Variants in ASTE1 observed in about 807,000 individuals in gnomAD.
ASTE1 encodes the protein asteroid structure-specific endonuclease 1, also known as single-strand DNA endonuclease ASTE1.
ASTE1 carries 49 observed loss-of-function variants against 45.8 expected under a neutral mutation model. That is an observed-to-expected ratio of 1.07 (90% confidence interval 0.85 to 1.36). ASTE1 has a LOEUF of 1.36. Ranked by LOEUF, ASTE1 falls within the 40% of genes most tolerant of loss-of-function variation. ASTE1 has a pLI of 0.00. For missense variants in ASTE1, 709 were observed against 804.0 expected (o/e 0.88, Z 1.43); for synonymous variants, 296 against 303.9 (o/e 0.97, Z 0.27).
At chr3:131,023,903 A>G in intron 3 of ASTE1, 102 bp downstream of exon 3, 1 of 1,216,438 alleles carries the variant, frequency 8.2e-7, no homozygotes, top group Non-Finnish European at 1.1e-6. Context: ...GATAGCACTC[A>G]ACCTCATCAG....
At chr3:131,019,330 G>A (rs1483641994) in intron 3 of ASTE1, among the ~76,000 whole-genome samples, 1 of 152,194 alleles carries the variant, frequency 6.6e-6, no homozygotes, top group Non-Finnish European at 1.5e-5. Context: ...CACAGGGATT[G>A]TCCCAGGGTG....
Position 131,024,003 on chromosome 3 carries a change from AC to A in ASTE1, c.1302+1del. 1 of 1,579,826 alleles carries A rather than the reference AC, an allele frequency of 6.3e-7. No individual in the cohort carries two copies. The highest frequency in any genetic ancestry group is 8.6e-7 in the Non-Finnish European group (1 of 1,161,648). On this transcript the variant is annotated splice_donor_variant, in intron 3 of 5. Coordinates refer to ENST00000264992, the MANE Select transcript of ASTE1 (RefSeq NM_014065.4). LOFTEE classifies it high-confidence loss of function. ...AATTTCATTAGTATTACAAATACTTACCTCAGTCAATCTGCTTAAGTCAGAA... is the reference window on the plus strand; with the variant it reads ...AATTTCATTAGTATTACAAATACTTACTCAGTCAATCTGCTTAAGTCAGAA...
At position 131,014,052 on chromosome 3, in the gene ASTE1, G is replaced by A; in HGVS notation, c.*5C>T. On this transcript the variant is annotated 3_prime_UTR_variant, in exon 6 of 6. Transcript: ENST00000264992. ...AAATACATCTAGTTTGATGCAAACTGAGTTTTATTCAATGTTGGAGGCCTC... is the reference window on the plus strand; with the variant it reads ...AAATACATCTAGTTTGATGCAAACTAAGTTTTATTCAATGTTGGAGGCCTC... 6.5e-7 allele frequency: 1 copy of A among 1,544,462 alleles called. No homozygotes were observed. The highest frequency in any genetic ancestry group is 2.2e-5 in the East Asian group (1 of 44,490).
intron 4 of ASTE1, among the ~76,000 whole-genome samples, chr3:131,017,969 CAAAAAAAA>C (rs10555602): frequency 2.5e-4 from 11 of 44,822 alleles, no homozygotes; most frequent in African/African-American, 8.1e-4. Flanking sequence ...GACTCCATCT[CAAAAAAAA>C]AAAAAAAAAA....
At chr3:131,020,174 C>T (rs1305557735) in intron 3 of ASTE1, among the ~76,000 whole-genome samples, 1 of 152,174 alleles carries the variant, frequency 6.6e-6, no homozygotes, top group Non-Finnish European at 1.5e-5. Flanking sequence ...AGGTTTCTGA[C>T]CTTTTCTACA....
At chr3:131,014,736 T>G (rs765720567) in intron 5 of ASTE1, among the ~76,000 whole-genome samples, 2 of 152,210 alleles carry the variant, frequency 1.3e-5, no homozygotes, top group Non-Finnish European at 2.9e-5. Context: ...GGCAGTTTGT[T>G]AGAATATGAG....
At chr3:131,018,485 C>A in intron 4 of ASTE1, 21 bp downstream of exon 4, 1 of 1,605,932 alleles carries the variant, frequency 6.2e-7, no homozygotes, top group Non-Finnish European at 8.5e-7. Context: ...CAATATACTC[C>A]TGTAATTTCC....
intron 3 of ASTE1, among the ~76,000 whole-genome samples, chr3:131,023,451 C>G (rs755375682): frequency 5.9e-5 from 9 of 152,020 alleles, no homozygotes; most frequent in Non-Finnish European, 1.2e-4. Context: ...TTAAGCAACA[C>G]TAAGTTAGAC....
chr3:131,014,508 A>G (rs2063495578), intron 5 of ASTE1, 121 bp from the exon 6 acceptor site: 1 of 908,144 alleles, frequency 1.1e-6, no homozygotes. Flanking sequence ...GCTCTATAAT[A>G]TTATCGAAAT....
In ASTE1 at chr3:131,018,570, A is replaced by C. The variant is rs774357333; in HGVS notation, c.1449T>G (p.His483Gln). 3.7e-6 allele frequency: 6 copies of C among 1,613,960 alleles called. No homozygotes were observed. Among genetic ancestry groups the C allele is most frequent in the Admixed American group, 1.7e-5 (1 of 60,000 alleles). The change falls in exon 4 of 6, where the codon CAT becomes CAG. Residue 483 changes from histidine (H) to glutamine (Q), a missense_variant. Physicochemically the swap from His to Gln is conservative, Grantham distance 24. Transcript: ENST00000264992. ...LQHTETKAKL[H>Q]HLQSLLLTML... ...TTGTGAGCAGTAAGGATTGTAGATG[A>C]TGTAGCTTTGCTTTGGTCTCGGTGT...
intron 4 of ASTE1, among the ~76,000 whole-genome samples, chr3:131,017,346 G>T (rs1000895890): frequency 1.3e-5 from 2 of 152,198 alleles, no homozygotes; most frequent in Non-Finnish European, 2.9e-5. Flanking sequence ...GTAAACTAGA[G>T]TAGCACGATC....
intron 3 of ASTE1, among the ~76,000 whole-genome samples, chr3:131,020,463 T>C (rs1054902411): frequency 1.3e-5 from 2 of 152,218 alleles, no homozygotes; most frequent in Non-Finnish European, 2.9e-5. Flanking sequence ...TTGTGTCTCC[T>C]TATGATTAAC....
At position 131,024,336 on chromosome 3, in the gene ASTE1, C is replaced by T; in HGVS notation, c.971G>A (p.Gly324Asp). Residue 324 changes from glycine (G) to aspartate (D), a missense_variant, in exon 3 of 6, where the codon GGT becomes GAT. Physicochemically the swap from Gly to Asp is moderately conservative, Grantham distance 94 (BLOSUM62 -1). Transcript: ENST00000264992. ...TYVCPDALNLGLPEWVLVALA... is the reference protein window; with the variant it reads ...TYVCPDALNLDLPEWVLVALA... ...AGCCACTAATACCCATTCTGGTAAA[C>T]CAAGATTCAAGGCATCTGGACAGAC... The T allele has an allele frequency of 6.2e-7, 1 of 1,614,220 alleles. No homozygotes were observed. The highest frequency in any genetic ancestry group is 8.5e-7 in the Non-Finnish European group (1 of 1,180,038).
Position 131,023,966 on chromosome 3 carries a change from GTACTT to G in ASTE1, c.1302+34_1302+38del, listed in dbSNP as rs2063774682. Reference sequence around the variant, plus strand: ...AAGACAGCACTTTGTATCCTGTAAAGTACTTTACAAAAATTTCATTAGTATTACAA... The same window carrying G: ...AAGACAGCACTTTGTATCCTGTAAAGTACAAAAATTTCATTAGTATTACAA... On this transcript the variant is annotated intron_variant, in intron 3 of 5. Transcript: ENST00000264992. The G allele has an allele frequency of 2.0e-6, 3 of 1,532,396 alleles. No homozygotes were observed. The Admixed American group carries it at 6.1e-5, about 31-fold the overall frequency. 94.9% of individuals were successfully genotyped at this position (1,532,396 alleles called of 1,614,324 possible).
chr3:131,014,123 G>T lies in ASTE1; in HGVS notation c.1974C>A (p.Asn658Lys), dbSNP rs764428952. The change falls in exon 6 of 6, where the codon AAC becomes AAA. Residue 658 changes from asparagine to lysine, a missense_variant. Coordinates refer to ENST00000264992, the MANE Select transcript of ASTE1 (RefSeq NM_014065.4). ...CAACCATTAACAACCCAAACCGGTT[G>T]TTTCCCTCATACCAACACTTGGTGT... is the stretch of plus-strand genomic sequence containing the variant. ...TAHTKCWYEGNNRFGLLMVEN... is the reference protein window; with the variant it reads ...TAHTKCWYEGKNRFGLLMVEN... The T allele has an allele frequency of 8.1e-6, 13 of 1,611,738 alleles. No homozygotes were observed. The East Asian group carries it at 2.9e-4, about 36-fold the overall frequency.
intron 1 of ASTE1, 34 bp from the exon 2 acceptor site, chr3:131,025,628 AC>A (rs1281240788): frequency 3.4e-5 from 10 of 289,970 alleles, no homozygotes. Context: ...CATTACTGAC[AC>A]ACCAGTATAG....
chr3:131,015,435 C>T (rs1430629274), intron 5 of ASTE1, among the ~76,000 whole-genome samples: 1 of 152,224 alleles, frequency 6.6e-6, no homozygotes, highest in Admixed American at 6.5e-5. Context: ...CACTGCTCCA[C>T]ACCCTACTGC....
Position 131,018,570 on chromosome 3 carries a change from A to T in ASTE1, c.1449T>A (p.His483Gln), listed in dbSNP as rs774357333. Residue 483 changes from histidine (H) to glutamine (Q), a missense_variant, in exon 4 of 6, where the codon CAT becomes CAA. Coordinates refer to ENST00000264992, the MANE Select transcript of ASTE1 (RefSeq NM_014065.4). ...TTGTGAGCAGTAAGGATTGTAGATG[A>T]TGTAGCTTTGCTTTGGTCTCGGTGT... is the stretch of plus-strand genomic sequence containing the variant. The part of the protein sequence containing the change: ...LQHTETKAKL[H>Q]HLQSLLLTML... The T allele has an allele frequency of 6.2e-7, 1 of 1,614,078 alleles. No homozygotes were observed. Among genetic ancestry groups the T allele is most frequent in the Admixed American group, 1.7e-5 (1 of 60,020 alleles).
chr3:131,018,575 G>T lies in ASTE1; in HGVS notation c.1444C>A (p.Leu482Ile). The T allele has an allele frequency of 6.2e-7, 1 of 1,614,034 alleles. No homozygotes were observed. The highest frequency in any genetic ancestry group is 1.1e-5 in the South Asian group (1 of 91,072). The change falls in exon 4 of 6, where the codon CTA becomes ATA. Residue 482 changes from leucine (L) to isoleucine (I), a missense_variant. Coordinates refer to ENST00000264992, the MANE Select transcript of ASTE1 (RefSeq NM_014065.4). ...AGCAGTAAGGATTGTAGATGATGTA[G>T]CTTTGCTTTGGTCTCGGTGTGCTGC... ...WLQHTETKAK[L>I]HHLQSLLLTM... is the part of the protein sequence containing the mutation.
Sources: allele counts gnomAD v4.1 joint callset (sites outside exome capture counted in the v4.1 genomes callset), GRCh38; gene constraint gnomAD v4.1.1; transcripts MANE v1.5; gene names NCBI Gene and HGNC (gene_info 2026-07-23, HGNC 2026-07-21).